RGS12: variants seen among roughly 807,000 people sequenced by gnomAD.
RGS12 encodes regulator of G protein signaling 12, also known as regulator of G-protein signaling 12.
Under a neutral mutation model 120.1 loss-of-function variants are expected in RGS12, and 66 were observed. The ratio of observed to expected loss-of-function variants is 0.55; its 90% confidence interval spans 0.45 to 0.67. The LOEUF (loss-of-function observed/expected upper bound fraction) is 0.67. RGS12 is among the 30% of genes least tolerant of loss of function. The pLI is 0.00. For synonymous variants in RGS12, 827 were observed against 804.7 expected (o/e 1.03, Z -0.47); for missense variants, 1,859 against 1,957.7 (o/e 0.95, Z 0.95).
At chr4:3,437,526 G>T (rs1724927772) in intron 17 of RGS12, among the ~76,000 whole-genome samples, 1 of 152,224 alleles carries the variant, frequency 6.6e-6, no homozygotes, top group South Asian at 2.1e-4. Flanking sequence ...CTGCAGCCTG[G>T]CATCTGGAGC....
Position 3,317,025 on chromosome 4 carries a change from T to C in RGS12, c.855T>C (p.Thr285=). The C allele has an allele frequency of 6.2e-7, 1 of 1,613,722 alleles. No individual in the cohort carries two copies. The highest frequency in any genetic ancestry group is 8.5e-7 in the Non-Finnish European group (1 of 1,180,018). ...TGCACGACTGTGTGCAGCTGAGCACTGACAAGGCTGGAGTCGTGGCCGAGT... is the reference window on the plus strand; with the variant it reads ...TGCACGACTGTGTGCAGCTGAGCACCGACAAGGCTGGAGTCGTGGCCGAGT... ...KIMHDCVQLS[T]DKAGVVAEYP... is the part of the protein sequence containing the mutation. Residue 285 remains threonine (T), a synonymous_variant, in exon 2 of 18, where the codon ACT becomes ACC. Coordinates refer to ENST00000336727, the MANE Select transcript of RGS12 (RefSeq NM_001394154.1).
At chr4:3,405,263 G>A (rs1287828967) in intron 4 of RGS12, among the ~76,000 whole-genome samples, 2 of 152,186 alleles carry the variant, frequency 1.3e-5, no homozygotes, top group South Asian at 2.1e-4. Context: ...AAACGACAGC[G>A]GACAAATCTG....
chr4:3,329,481 G>A (rs950271144), intron 2 of RGS12, among the ~76,000 whole-genome samples: 1 of 152,150 alleles, frequency 6.6e-6, no homozygotes, highest in African/African-American at 2.4e-5. Context: ...AGTGGGAGAA[G>A]GAGATGAGCA....
intron 4 of RGS12, among the ~76,000 whole-genome samples, chr4:3,403,640 G>A (rs1475961324): frequency 6.6e-6 from 1 of 152,220 alleles, no homozygotes; most frequent in African/African-American, 2.4e-5. Context: ...CTCTGCTGTT[G>A]TGGCAGGCTT....
the RGS12 span, among the ~76,000 whole-genome samples, chr4:3,286,396 C>T: frequency 6.6e-6 from 1 of 152,240 alleles, no homozygotes; most frequent in Non-Finnish European, 1.5e-5. Flanking sequence ...CTCCTGGCTG[C>T]CTGGGGATTT....
intron 3 of RGS12, among the ~76,000 whole-genome samples, chr4:3,354,945 C>T (rs1714719885): frequency 6.6e-6 from 1 of 152,164 alleles, no homozygotes; most frequent in Non-Finnish European, 1.5e-5. Flanking sequence ...TTTCCCAACT[C>T]ATTTTATGAG....
Position 3,402,328 on chromosome 4 carries a change from G to T in RGS12, c.2021-11744G>T, listed in dbSNP as rs79617615. ...TGTGTAGAGTAGGCCTTTTTTCCGT[G>T]TCTTGTGTTACCTCTTTTTGGCTTA... is the stretch of plus-strand genomic sequence containing the variant. On this transcript the variant is annotated intron_variant, in intron 4 of 17. Transcript: ENST00000336727. 9.4e-3 allele frequency among the ~76,000 whole-genome samples: 1,423 copies of T among 152,166 alleles called. 28 individuals carry two copies. Among genetic ancestry groups the T allele is most frequent in the African/African-American group, 0.033 (1,366 of 41,496 alleles).
chr4:3,300,661 C>T (rs558228824), intron 1 of RGS12, among the ~76,000 whole-genome samples: 5 of 152,190 alleles, frequency 3.3e-5, no homozygotes, highest in South Asian at 2.1e-4. Context: ...CCTGCCTCTC[C>T]CAGCTTCCAG....
intron 9 of RGS12, chr4:3,420,361 A>C: frequency 1.9e-6 from 1 of 531,306 alleles, no homozygotes; most frequent in Non-Finnish European, 3.4e-6. Context: ...GCCATGAGCC[A>C]AGCATGTTTT....
At chr4:3,439,319 T>C in intron 17 of RGS12, 136 bp from the exon 18 acceptor site, 1 of 870,936 alleles carries the variant, frequency 1.1e-6, no homozygotes, top group Non-Finnish European at 1.9e-6. Context: ...GGACGCCAGC[T>C]GCCTCTGGGA....
chr4:3,331,692 C>T (rs1711862743), intron 2 of RGS12, among the ~76,000 whole-genome samples: 1 of 152,088 alleles, frequency 6.6e-6, no homozygotes, highest in South Asian at 2.1e-4. Flanking sequence ...GGAAGGGTGG[C>T]GTTGGCCATC....
intron 2 of RGS12, among the ~76,000 whole-genome samples, chr4:3,331,894 C>A (rs74352765): frequency 0.019 from 2,853 of 152,334 alleles, 68 homozygotes; most frequent in African/African-American, 0.061. Flanking sequence ...CCACCTGCAC[C>A]AGGTGACCTT....
At chr4:3,360,476 A>T (rs1277221433) in intron 3 of RGS12, among the ~76,000 whole-genome samples, 1 of 150,294 alleles carries the variant, frequency 6.7e-6, no homozygotes, top group Admixed American at 6.6e-5. Context: ...TTGATTTGAG[A>T]TCTTTTAAAT....
intron 3 of RGS12, among the ~76,000 whole-genome samples, chr4:3,370,977 G>A (rs1033903209): frequency 1.3e-5 from 2 of 152,134 alleles, no homozygotes; most frequent in African/African-American, 4.8e-5. Context: ...CACTGATTTC[G>A]AATTCATTCT....
At chr4:3,411,857 C>T (rs572553814) in intron 4 of RGS12, among the ~76,000 whole-genome samples, 53 of 152,268 alleles carry the variant, frequency 3.5e-4, no homozygotes, top group Non-Finnish European at 4.4e-4. Flanking sequence ...CTGGCTTGGC[C>T]GCCCTGTCCT....
chr4:3,406,957 A>G (rs1017848222), intron 4 of RGS12, among the ~76,000 whole-genome samples: 2 of 152,254 alleles, frequency 1.3e-5, no homozygotes, highest in African/African-American at 4.8e-5. Flanking sequence ...CATATTCCTG[A>G]TAACACGCTG....
chr4:3,373,505 G>A (rs1326211022), intron 3 of RGS12, among the ~76,000 whole-genome samples: 3 of 152,230 alleles, frequency 2.0e-5, no homozygotes, highest in African/African-American at 4.8e-5. Context: ...GCATTTCACC[G>A]TGTCTCTTTT....
At chr4:3,362,305 C>A (rs1041910732) in intron 3 of RGS12, among the ~76,000 whole-genome samples, 3 of 152,262 alleles carry the variant, frequency 2.0e-5, no homozygotes, top group Admixed American at 1.3e-4. Flanking sequence ...CCTTAGCTGT[C>A]CTGACCAGTG....
Position 3,428,557 on chromosome 4 carries a change from G to A in RGS12, c.3412-1G>A. 6.3e-7 allele frequency: 1 copy of A among 1,576,656 alleles called. No individual in the cohort carries two copies. Among genetic ancestry groups the A allele is most frequent in the Non-Finnish European group, 8.6e-7 (1 of 1,167,620 alleles). ...GAACTTTGACTTTCCTTCTAATGCA[G>A]GGAGAGGAAAGAACACTAGGCAAGT... On this transcript the variant is annotated splice_acceptor_variant, in intron 15 of 17. Coordinates refer to ENST00000336727, the MANE Select transcript of RGS12 (RefSeq NM_001394154.1). LOFTEE classifies it high-confidence loss of function.
Sources: allele counts gnomAD v4.1 joint callset (sites outside exome capture counted in the v4.1 genomes callset), GRCh38; gene constraint gnomAD v4.1.1; transcripts MANE v1.5; gene names NCBI Gene and HGNC (gene_info 2026-07-23, HGNC 2026-07-21).